Variants in ABR observed in about 807,000 individuals in gnomAD.
ABR encodes the protein ABR activator of RhoGEF and GTPase.
ABR carries 35 observed loss-of-function variants against 107.2 expected under a neutral mutation model. The observed-to-expected ratio is 0.33, with a 90% confidence interval of 0.25 to 0.43. The LOEUF is 0.43. ABR is among the 20% of genes least tolerant of loss of function. The probability of loss-of-function intolerance (pLI) is 1.00; values close to 1 mark genes in which losing one functional copy is unlikely to be tolerated. For missense variants in ABR, 815 were observed against 1,115.2 expected (o/e 0.73, Z 3.83); for synonymous variants, 498 against 462.0 (o/e 1.08, Z -1.00).
chr17:1,043,480 T>C, intron 16 of ABR, among the ~76,000 whole-genome samples: 1 of 151,962 alleles, frequency 6.6e-6, no homozygotes, highest in East Asian at 1.9e-4. Context: ...CTAAAATTTA[T>C]TAAAATGGTA....
chr17:1,134,365 T>C (rs958753559), intron 1 of ABR, among the ~76,000 whole-genome samples: 1 of 152,102 alleles, frequency 6.6e-6, no homozygotes, highest in Non-Finnish European at 1.5e-5. Context: ...TGAGCTGAGA[T>C]TGTAGCACTG....
At chr17:1,058,457 C>T (rs2033588370) in intron 11 of ABR, among the ~76,000 whole-genome samples, 1 of 152,124 alleles carries the variant, frequency 6.6e-6, no homozygotes, top group Non-Finnish European at 1.5e-5. Context: ...CCTCCTTATC[C>T]AGGCACAGCT....
intron 17 of ABR, 103 bp downstream of exon 17, chr17:1,013,002 G>A: frequency 1.4e-6 from 2 of 1,413,622 alleles, no homozygotes; most frequent in Non-Finnish European, 2.0e-6. Context: ...GGTCGAGGCG[G>A]CACAGCGGCC....
Position 1,078,380 on chromosome 17 carries a change from G to A in ABR, c.700+950C>T, listed in dbSNP as rs530259327. Reference sequence around the variant, plus strand: ...CTCCCAACTTCTCCCTCTGGCTCGCGCTGGCACCCTCTCGGCTGGCAACGC... The same window carrying A: ...CTCCCAACTTCTCCCTCTGGCTCGCACTGGCACCCTCTCGGCTGGCAACGC... On this transcript the variant is annotated intron_variant, in intron 6 of 22. Coordinates refer to ENST00000302538, the MANE Select transcript of ABR (RefSeq NM_021962.5). This position sits in a 1 kb window ranked among gnomAD's most constrained non-coding sequence, Gnocchi z 7.5. 1.3e-5 allele frequency among the ~76,000 whole-genome samples: 2 copies of A among 152,194 alleles called. No individual in the cohort carries two copies. The highest frequency in any genetic ancestry group is 1.9e-4 in the East Asian group (1 of 5,148).
intron 1 of ABR, among the ~76,000 whole-genome samples, chr17:1,149,452 TC>T (rs1243809135): frequency 7.2e-6 from 1 of 138,816 alleles, no homozygotes; most frequent in Non-Finnish European, 1.5e-5. Flanking sequence ...TGAGACAGAA[TC>T]TCACTCTGTC....
chr17:1,227,586 A>G lies in ABR; in HGVS notation c.838+1207T>C, dbSNP rs201011455. On this transcript the variant is annotated intron_variant, in intron 1 of 22. Transcript: ENST00000574139. The stretch of plus-strand genomic sequence containing the variant: ...GTGGACAGTTTTTCATTCAAATGCA[A>G]ACTCATCCAGATAAAATCTAATAAT... 2.6e-5 allele frequency among the ~76,000 whole-genome samples: 4 copies of G among 152,212 alleles called. No homozygotes were observed. The East Asian group carries it at 7.7e-4, about 29-fold the overall frequency.
rs1057497085 is a variant in ABR at position 1,026,803 on chromosome 17, A to G, written c.1792-13639T>C. On this transcript the variant is annotated intron_variant, in intron 16 of 22. Transcript: ENST00000302538. ...GGTCAAAGAACAGCACCTGCTGACC[A>G]GTTCCCAACCACCTGGGCAGTGAGC... Among the ~76,000 whole-genome samples, 19 of 152,206 alleles carry G rather than the reference A, an allele frequency of 1.2e-4. 1 individual carries two copies. The highest frequency in any genetic ancestry group is 4.6e-4 in the African/African-American group (19 of 41,454).
chr17:1,128,597 C>T (rs2039697483), intron 1 of ABR, among the ~76,000 whole-genome samples: 1 of 152,222 alleles, frequency 6.6e-6, no homozygotes, highest in Admixed American at 6.5e-5. Context: ...GGTACACTAT[C>T]CACACTGCCC....
intron 3 of ABR, among the ~76,000 whole-genome samples, chr17:1,099,170 A>T (rs1436000926): frequency 1.4e-5 from 2 of 147,908 alleles, no homozygotes; most frequent in Non-Finnish European, 3.0e-5. Flanking sequence ...TCGCCCCCAG[A>T]TTCAAGCAAT....
intron 18 of ABR, 24 bp downstream of exon 18, chr17:1,012,664 T>C: frequency 6.5e-7 from 1 of 1,546,356 alleles, no homozygotes; most frequent in Non-Finnish European, 8.8e-7. Context: ...ACGCCAGGAC[T>C]GGGAGACCCG....
At chr17:1,153,792 G>A (rs868080371) in intron 1 of ABR, 7 of 209,436 alleles carry the variant, frequency 3.3e-5, no homozygotes, top group Admixed American at 7.0e-5. Flanking sequence ...GGAGGGCTGG[G>A]GGTCCAGGCA....
rs938154722 is a variant in ABR at position 1,113,282 on chromosome 17, T to G, written c.246+11901A>C. Among the ~76,000 whole-genome samples the G allele has an allele frequency of 3.2e-4, 43 of 136,144 alleles. 3 individuals are homozygous for G. The highest frequency in any genetic ancestry group is 1.1e-3 in the African/African-American group (40 of 36,126). The allele number at this position is 136,144 out of a possible 152,430, so 89.3% of individuals were successfully genotyped here. ...AACATGGAAACACCTATTGCGATTT[T>G]TTTTTTTTTTTTTTTTTTTTTTGAG... On this transcript the variant is annotated intron_variant, in intron 2 of 22. Transcript: ENST00000302538.
intron 1 of ABR, among the ~76,000 whole-genome samples, chr17:1,198,728 C>T (rs1043124002): frequency 3.3e-5 from 5 of 150,800 alleles, no homozygotes; most frequent in Admixed American, 6.6e-5. Flanking sequence ...CTCCGCCTCC[C>T]GGGTTCACGC....
chr17:1,048,302 A>G (rs1038095841), intron 16 of ABR, among the ~76,000 whole-genome samples: 4 of 152,252 alleles, frequency 2.6e-5, no homozygotes, highest in Admixed American at 2.6e-4. Flanking sequence ...TATGCGGCAG[A>G]GGCCAGGCCC....
intron 1 of ABR, among the ~76,000 whole-genome samples, chr17:1,223,047 C>G (rs12949186): frequency 6.6e-6 from 1 of 151,492 alleles, no homozygotes; most frequent in Non-Finnish European, 1.5e-5. Flanking sequence ...ACTAAAAATA[C>G]AAAAAGTAAC....
At position 1,071,907 on chromosome 17, in the gene ABR, GTTA is replaced by G. The variant is rs981140993; in HGVS notation, c.894+704_894+706del. 2.6e-5 allele frequency among the ~76,000 whole-genome samples: 4 copies of G among 152,246 alleles called. No homozygotes were observed. Among genetic ancestry groups the G allele is most frequent in the African/African-American group, 9.6e-5 (4 of 41,546 alleles). ...TCAGGTTCTTCTGGCTCACTGGATT[GTTA>G]TTATTATTTCTGAGATGGAGTCTCA... On this transcript the variant is annotated intron_variant, in intron 8 of 22. Transcript: ENST00000302538. The surrounding 1 kb of genome is among the most constrained non-coding windows in gnomAD (Gnocchi z 5.1).
chr17:1,058,077 A>G (rs774075589), intron 11 of ABR, 32 bp from the exon 12 acceptor site: 1 of 1,569,896 alleles, frequency 6.4e-7, no homozygotes, highest in South Asian at 1.1e-5. Flanking sequence ...AAAGTGGGTG[A>G]CCACAGTCAG....
At chr17:1,110,191 C>G (rs1356593975) in intron 2 of ABR, among the ~76,000 whole-genome samples, 1 of 151,986 alleles carries the variant, frequency 6.6e-6, no homozygotes, top group East Asian at 1.9e-4. Context: ...GCAGAACCCC[C>G]AACTGTGCAG....
intron 21 of ABR, among the ~76,000 whole-genome samples, 156 bp downstream of exon 21, chr17:1,009,523 C>A (rs1488273788): frequency 6.6e-6 from 1 of 151,650 alleles, no homozygotes; most frequent in Non-Finnish European, 1.5e-5. Context: ...CCGATGGAGG[C>A]CAGCGCCCAC....
Sources: allele counts gnomAD v4.1 joint callset (sites outside exome capture counted in the v4.1 genomes callset), GRCh38; gene constraint gnomAD v4.1.1; non-coding constraint Gnocchi (gnomAD v3.1); transcripts MANE v1.5; gene names NCBI Gene and HGNC (gene_info 2026-07-23, HGNC 2026-07-21).